Variants in FGF12 observed in about 807,000 individuals in gnomAD.
The protein encoded by FGF12 is fibroblast growth factor 12.
A neutral mutation model predicts 23.6 loss-of-function variants in FGF12; 14 were observed. The ratio of observed to expected loss-of-function variants is 0.59; its 90% confidence interval spans 0.39 to 0.93. The LOEUF is 0.93. Ranked by LOEUF, FGF12 falls within the 40% of genes least tolerant of loss-of-function variation. The pLI, the probability that FGF12 is intolerant of heterozygous loss-of-function variation, is 0.00. For synonymous variants in FGF12, 62 were observed against 77.3 expected, an observed-to-expected ratio of 0.80 and a Z score of 1.04; for missense variants, 175 against 217.8, an observed-to-expected ratio of 0.80 and a Z score of 1.24.
At chr3:192,519,025 A>G (rs1724750272) in intron 2 of FGF12, among the ~76,000 whole-genome samples, 1 of 152,146 alleles carries the variant, frequency 6.6e-6, no homozygotes, top group African/African-American at 2.4e-5. Context: ...GAGTTCATAC[A>G]TACCATTTAC....
intron 4 of FGF12, among the ~76,000 whole-genome samples, chr3:192,315,335 G>A (rs1577346248): frequency 6.6e-6 from 1 of 152,220 alleles, no homozygotes; most frequent in Non-Finnish European, 1.5e-5. Flanking sequence ...CTACAGACTT[G>A]TTCATAAGAA....
At chr3:192,650,677 C>T (rs1383450737) in intron 2 of FGF12, among the ~76,000 whole-genome samples, 1 of 152,156 alleles carries the variant, frequency 6.6e-6, no homozygotes, top group Admixed American at 6.5e-5. Context: ...GTTCCTGGCA[C>T]ACAAAGATGT....
At chr3:192,401,263 C>G (rs1720748911) in intron 2 of FGF12, among the ~76,000 whole-genome samples, 1 of 152,272 alleles carries the variant, frequency 6.6e-6, no homozygotes, top group Non-Finnish European at 1.5e-5. Flanking sequence ...CTTTTGATAT[C>G]TTATTGTGGA....
intron 2 of FGF12, among the ~76,000 whole-genome samples, chr3:192,512,913 A>T (rs1175559391): frequency 7.1e-6 from 1 of 141,534 alleles, no homozygotes; most frequent in African/African-American, 2.6e-5. Flanking sequence ...ATGAGTTTCA[A>T]AGATGGGTAG....
At chr3:192,315,396 T>A (rs1019674404) in intron 4 of FGF12, among the ~76,000 whole-genome samples, 3 of 152,174 alleles carry the variant, frequency 2.0e-5, no homozygotes, top group Admixed American at 1.3e-4. Context: ...CTTTCAAATT[T>A]CTACTGAAAA....
chr3:192,726,760 A>AC, intron 2 of FGF12: 3 of 200,240 alleles, frequency 1.5e-5, no homozygotes, highest in Non-Finnish European at 3.1e-5. Context: ...TGAAATTCAA[A>AC]CATTTTTTTT....
At chr3:192,181,782 C>T (rs990937168) in intron 4 of FGF12, among the ~76,000 whole-genome samples, 2 of 151,832 alleles carry the variant, frequency 1.3e-5, no homozygotes, top group African/African-American at 4.8e-5. Context: ...AGGCATGCAC[C>T]ACCACACCCT....
At chr3:192,712,333 T>A (rs1266702506) in intron 2 of FGF12, among the ~76,000 whole-genome samples, 5 of 151,066 alleles carry the variant, frequency 3.3e-5, no homozygotes, top group Non-Finnish European at 7.4e-5. Flanking sequence ...AACTAAATTA[T>A]TTTCAATTTT....
chr3:192,254,572 G>A (rs1357563553), intron 4 of FGF12, among the ~76,000 whole-genome samples: 1 of 152,018 alleles, frequency 6.6e-6, no homozygotes, highest in Non-Finnish European at 1.5e-5. Flanking sequence ...GTAGGAAAAT[G>A]TACAAAGGAT....
chr3:192,258,382 C>T (rs1577290402), intron 4 of FGF12, among the ~76,000 whole-genome samples: 1 of 152,020 alleles, frequency 6.6e-6, no homozygotes, highest in Admixed American at 6.6e-5. Flanking sequence ...CACTTGAACC[C>T]GCGAGGCAGA....
Position 192,433,898 on chromosome 3 carries a change from C to T in FGF12, c.14-73360G>A, listed in dbSNP as rs554066533. ...CCCCACACTGAGTCAGCACAGTGGG[C>T]AGTTTCAGTATTTCTGGCCATTTCG... On this transcript the variant is annotated intron_variant, in intron 2 of 5. Coordinates refer to ENST00000445105, the MANE Select transcript of FGF12 (RefSeq NM_004113.6). 2.2e-4 allele frequency among the ~76,000 whole-genome samples: 34 copies of T among 152,274 alleles called. 1 individual carries two copies. In the South Asian group the frequency reaches 6.8e-3, roughly 31 times the overall value.
chr3:192,383,735 T>A (rs1719926350), intron 2 of FGF12, among the ~76,000 whole-genome samples: 1 of 152,070 alleles, frequency 6.6e-6, no homozygotes, highest in African/African-American at 2.4e-5. Context: ...TTAAACATGA[T>A]AACCACATTA....
intron 2 of FGF12, among the ~76,000 whole-genome samples, chr3:192,525,578 T>G (rs1724921864): frequency 6.6e-6 from 1 of 152,204 alleles, no homozygotes; most frequent in Non-Finnish European, 1.5e-5. Flanking sequence ...TGCCTTCAAT[T>G]TAGCCTCCAT....
At chr3:192,510,825 T>C (rs1724447776) in intron 2 of FGF12, among the ~76,000 whole-genome samples, 1 of 152,162 alleles carries the variant, frequency 6.6e-6, no homozygotes, top group Middle Eastern at 3.2e-3. Context: ...TGAAAAGACC[T>C]GGAGGAAACT....
intron 4 of FGF12, among the ~76,000 whole-genome samples, chr3:192,242,024 A>G (rs1719640660): frequency 1.3e-5 from 2 of 152,186 alleles, no homozygotes; most frequent in African/African-American, 4.8e-5. Flanking sequence ...AGTGTTCAGA[A>G]AAACAAATCA....
chr3:192,594,488 T>G (rs956609036), intron 2 of FGF12, among the ~76,000 whole-genome samples: 1 of 151,892 alleles, frequency 6.6e-6, no homozygotes, highest in Admixed American at 6.6e-5. Context: ...TCAGTCATAA[T>G]AGAATATTGT....
At chr3:192,224,140 TTAC>T (rs1253296253) in intron 4 of FGF12, among the ~76,000 whole-genome samples, 1 of 152,146 alleles carries the variant, frequency 6.6e-6, no homozygotes, top group Admixed American at 6.6e-5. Flanking sequence ...AAATCCATTA[TTAC>T]TACTAGACAA....
At position 192,494,859 on chromosome 3, in the gene FGF12, T is replaced by TATATATATATAA. The variant is rs1553821378; in HGVS notation, c.14-134322_14-134321insTTATATATATAT. On this transcript the variant is annotated intron_variant, in intron 2 of 5. Coordinates refer to ENST00000445105, the MANE Select transcript of FGF12 (RefSeq NM_004113.6). The stretch of plus-strand genomic sequence containing the variant: ...GCCTATGCATATATATATATATATA[T>TATATATATATAA]AAAATACATTTTTCTTTTTGAGATG... Among the ~76,000 whole-genome samples the TATATATATATAA allele has an allele frequency of 9.9e-4, 129 of 130,494 alleles. 1 individual carries two copies. The highest frequency in any genetic ancestry group is 3.4e-3 in the African/African-American group (121 of 35,928). 85.6% of individuals were successfully genotyped at this position (130,494 alleles called of 152,430 possible).
At chr3:192,194,778 ACGC>A (rs1716976697) in intron 4 of FGF12, among the ~76,000 whole-genome samples, 1 of 152,108 alleles carries the variant, frequency 6.6e-6, no homozygotes, top group East Asian at 1.9e-4. Context: ...TTTTAAATGT[ACGC>A]TTTTTTAGTA....
Sources: gnomAD v4.1 joint callset for allele counts (sites outside exome capture counted in the v4.1 genomes callset) on GRCh38, gnomAD v4.1.1 for gene constraint, MANE v1.5 for transcripts, NCBI Gene and HGNC (gene_info 2026-07-23, HGNC 2026-07-21) for gene names.